ARHGAP27: variants seen among roughly 807,000 people sequenced by gnomAD.
ARHGAP27 encodes the protein rho GTPase-activating protein 27.
Under a neutral mutation model 102.0 loss-of-function variants are expected in ARHGAP27, and 53 were observed. The observed-to-expected ratio is 0.52, with a 90% CI of 0.42 to 0.65. ARHGAP27 has a LOEUF of 0.65. ARHGAP27 is among the 30% of genes least tolerant of loss of function. The probability of loss-of-function intolerance (pLI) is 0.00; values close to 1 mark genes in which losing one functional copy is unlikely to be tolerated. For synonymous variants in ARHGAP27, 525 were observed against 542.8 expected, an observed-to-expected ratio of 0.97 and a Z score of 0.46; for missense variants, 1,117 against 1,256.2, an observed-to-expected ratio of 0.89 and a Z score of 1.68.
chr17:45,429,638 C>T lies in ARHGAP27; in HGVS notation c.642G>A (p.Glu214=). 1 of 1,583,674 alleles carries T rather than the reference C, an allele frequency of 6.3e-7. No homozygotes were observed. Among genetic ancestry groups the T allele is most frequent in the Non-Finnish European group, 8.6e-7 (1 of 1,164,852 alleles). The part of the protein sequence containing the change: ...VIQDLHVPPP[E]ESAEQVDDPP... ...GGGGAGGTACCTGCTCTGCGCTCTC[C>T]TCCGGCGGCGGGACGTGCAAGTCCT... is the stretch of plus-strand genomic sequence containing the variant. The change falls in exon 4 of 20, where the codon GAG becomes GAA. Residue 214 remains glutamate (E), a synonymous_variant. Transcript: ENST00000685559.
In ARHGAP27 at chr17:45,394,914, G is replaced by GTC. The variant is rs2045410858; in HGVS notation, c.*540_*541dup. ...AGCCTGTGAGAGGCTCAGGCAGGAG[G>GTC]TCATCCCTGAGGCCTGAGGAGGATA... On this transcript the variant is annotated 3_prime_UTR_variant, in exon 20 of 20. Transcript: ENST00000685559. The GTC allele has an allele frequency of 1.3e-5, 2 of 153,220 alleles. No individual in the cohort carries two copies. The highest frequency in any genetic ancestry group is 4.8e-5 in the African/African-American group (2 of 41,476). 9.5% of individuals were successfully genotyped at this position (153,220 alleles called of 1,614,324 possible). A position where few individuals can be genotyped will look rare whatever the true frequency, so the allele number is the denominator to read the frequency against.
At chr17:45,409,928 G>A in intron 4 of ARHGAP27, 1 of 404,634 alleles carries the variant, frequency 2.5e-6, no homozygotes. Context: ...CCTCAGGCCA[G>A]AGGAGGAGCC....
intron 4 of ARHGAP27, chr17:45,410,334 G>C: frequency 2.7e-6 from 4 of 1,464,658 alleles, no homozygotes; most frequent in Non-Finnish European, 2.7e-6. Flanking sequence ...GAAGGTTTTG[G>C]GGGTAGAGCC....
At position 45,395,410 on chromosome 17, in the gene ARHGAP27, C is replaced by T. The variant is rs1007448435; in HGVS notation, c.*46G>A. On this transcript the variant is annotated 3_prime_UTR_variant, in exon 20 of 20. Coordinates refer to ENST00000685559, the MANE Select transcript of ARHGAP27 (RefSeq NM_001282290.2). ...CGGCTGCGTGGCCTCCGCCGCCCAGCTTGTGTGGCAGGACCGCGGCCGCCG... is the reference window on the plus strand; with the variant it reads ...CGGCTGCGTGGCCTCCGCCGCCCAGTTTGTGTGGCAGGACCGCGGCCGCCG... 3 of 1,524,526 alleles carry T rather than the reference C, an allele frequency of 2.0e-6. No homozygotes were observed. Among genetic ancestry groups the T allele is most frequent in the African/African-American group, 2.8e-5 (2 of 72,532 alleles). The allele number at this position is 1,524,526 out of a possible 1,614,324, so 94.4% of individuals were successfully genotyped here. A position where few individuals can be genotyped will look rare whatever the true frequency, so the allele number is the denominator to read the frequency against.
chr17:45,397,072 G>T, intron 13 of ARHGAP27, 48 bp from the exon 14 acceptor site: 1 of 1,595,646 alleles, frequency 6.3e-7, no homozygotes, highest in Non-Finnish European at 8.5e-7. Context: ...CCAGCTGCGG[G>T]TCCTTCCAGG....
chr17:45,415,124 A>G (rs982710804), intron 4 of ARHGAP27, among the ~76,000 whole-genome samples: 10 of 151,536 alleles, frequency 6.6e-5, no homozygotes, highest in African/African-American at 2.4e-4. Context: ...CCTTTTAACA[A>G]CTAATTCCTT....
intron 4 of ARHGAP27, among the ~76,000 whole-genome samples, chr17:45,417,678 T>C (rs1371357643): frequency 6.6e-6 from 1 of 150,894 alleles, no homozygotes; most frequent in Non-Finnish European, 1.5e-5. Flanking sequence ...CGCTTGAACC[T>C]GGAAGGTAGA....
intron 4 of ARHGAP27, chr17:45,408,863 C>T (rs1381880811): frequency 6.6e-6 from 1 of 152,266 alleles, no homozygotes; most frequent in Non-Finnish European, 1.5e-5. Flanking sequence ...AACCATCTGC[C>T]CACCTCCTCT....
chr17:45,395,234 G>T lies in ARHGAP27; in HGVS notation c.*222C>A. 1.7e-6 allele frequency: 1 copy of T among 600,688 alleles called. No individual in the cohort carries two copies. The highest frequency in any genetic ancestry group is 2.9e-6 in the Non-Finnish European group (1 of 347,188). The allele number at this position is 600,688 out of a possible 1,614,324, so 37.2% of individuals were successfully genotyped here. On this transcript the variant is annotated 3_prime_UTR_variant, in exon 20 of 20. Transcript: ENST00000685559. ...AATTAACCCCCAAACAGGACGTGAC[G>T]GGAAGGGAAGGGGGGATGGGGAGTT... is the stretch of plus-strand genomic sequence containing the variant.
In ARHGAP27 at chr17:45,430,032, G is replaced by T; in HGVS notation, c.248C>A (p.Pro83Gln). The change falls in exon 4 of 20, where the codon CCG becomes CAG. Residue 83 changes from proline (P) to glutamine (Q), a missense_variant. Transcript: ENST00000685559. The surrounding 1 kb of genome is among the most constrained non-coding windows in gnomAD (Gnocchi z 4.4). ...PAAAAPPGPH[P>Q]SPAAPEPLAY... Reference sequence around the variant, plus strand: ...GAGCGGCTCAGGGGCCGCGGGGCTCGGGTGGGGACCTGGCGGCGCGGCGGC... The same window carrying T: ...GAGCGGCTCAGGGGCCGCGGGGCTCTGGTGGGGACCTGGCGGCGCGGCGGC... The T allele has an allele frequency of 8.1e-7, 1 of 1,232,610 alleles. No individual in the cohort carries two copies. The highest frequency in any genetic ancestry group is 1.6e-5 in the African/African-American group (1 of 61,912). 76.4% of individuals were successfully genotyped at this position (1,232,610 alleles called of 1,614,324 possible).
At chr17:45,397,912 C>A in intron 13 of ARHGAP27, 37 bp downstream of exon 13, 1 of 1,554,772 alleles carries the variant, frequency 6.4e-7, no homozygotes, top group African/African-American at 1.3e-5. Context: ...TGGCCACCCC[C>A]TCCCCACTGC....
At chr17:45,419,271 C>T (rs944131120) in intron 4 of ARHGAP27, among the ~76,000 whole-genome samples, 1 of 152,144 alleles carries the variant, frequency 6.6e-6, no homozygotes, top group African/African-American at 2.4e-5. Context: ...ACATCTCACT[C>T]TGTCCATGCA....
chr17:45,395,882 G>A (rs769666405), intron 18 of ARHGAP27, 33 bp from the exon 19 acceptor site: 19 of 1,583,576 alleles, frequency 1.2e-5, no homozygotes, highest in South Asian at 9.1e-5. Flanking sequence ...GGAGGGAGTC[G>A]GAACGGGAGG....
In ARHGAP27 at chr17:45,430,084, C is replaced by G; in HGVS notation, c.196G>C (p.Glu66Gln). 2 of 1,430,536 alleles carry G rather than the reference C, an allele frequency of 1.4e-6. No homozygotes were observed. The highest frequency in any genetic ancestry group is 3.3e-5 in the Admixed American group (1 of 30,370). 88.6% of individuals were successfully genotyped at this position (1,430,536 alleles called of 1,614,324 possible). Residue 66 changes from glutamate to glutamine, a missense_variant, in exon 4 of 20, where the codon GAG (glutamate) becomes CAG (glutamine). Glu to Gln is a conservative substitution (Grantham distance 29). Around this residue, in one of 3 missense-constraint regions of ARHGAP27, gnomAD observed 610 missense variants for 716.4 expected, o/e 0.85. Transcript: ENST00000685559. This position sits in a 1 kb window ranked among gnomAD's most constrained non-coding sequence, Gnocchi z 4.4. Reference sequence around the variant, plus strand: ...GCAGGGTTGCCCAGCGCGGGCAGCTCGCGCACGTACTGCGCAGGCAGGTAG... The same window carrying G: ...GCAGGGTTGCCCAGCGCGGGCAGCTGGCGCACGTACTGCGCAGGCAGGTAG... ...PFYLPAQYVR[E>Q]LPALGNPAAA... is the part of the protein sequence containing the mutation.
chr17:45,412,692 G>A (rs948200049), intron 4 of ARHGAP27, among the ~76,000 whole-genome samples: 2 of 152,170 alleles, frequency 1.3e-5, no homozygotes, highest in African/African-American at 4.8e-5. Context: ...CCAAACACAT[G>A]TTCTCCAGGA....
chr17:45,410,444 C>T (rs1465103604), intron 4 of ARHGAP27: 4 of 1,136,462 alleles, frequency 3.5e-6, no homozygotes, highest in Admixed American at 9.0e-5. Context: ...GTCAGGGCTG[C>T]GGAAGTGCTG....
chr17:45,405,634 G>A, intron 5 of ARHGAP27, 42 bp downstream of exon 5: 1 of 1,535,394 alleles, frequency 6.5e-7, no homozygotes, highest in Non-Finnish European at 8.7e-7. Flanking sequence ...GGGATCAGAG[G>A]CGCTCAGAGG....
At chr17:45,399,040 C>G (rs2046099915) in intron 12 of ARHGAP27, among the ~76,000 whole-genome samples, 1 of 152,192 alleles carries the variant, frequency 6.6e-6, no homozygotes, top group African/African-American at 2.4e-5. Context: ...CACCATAGGA[C>G]TGACGCTCAA....
At position 45,402,724 on chromosome 17, in the gene ARHGAP27, T is replaced by A; in HGVS notation, c.1733A>T (p.Asn578Ile). The part of the protein sequence containing the change: ...WAPKDKSSRK[N>I]VLELRSRDGS... ...AACCCCGCCACTCACCTCCAGCACA[T>A]TCTTCCTACTGGATTTGTCTTTGGG... Residue 578 changes from asparagine to isoleucine, a missense_variant, in exon 12 of 20, where the codon AAT becomes ATT. Asn to Ile is a moderately radical substitution (Grantham distance 149). This residue lies in a region of ARHGAP27 where 493 missense variants were observed against 505.5 expected (regional missense o/e 0.98). Transcript: ENST00000685559. 6.2e-7 allele frequency: 1 copy of A among 1,611,288 alleles called. No individual in the cohort carries two copies. The highest frequency in any genetic ancestry group is 8.5e-7 in the Non-Finnish European group (1 of 1,177,556).
Sources: gnomAD v4.1 joint callset for allele counts (sites outside exome capture counted in the v4.1 genomes callset) on GRCh38, gnomAD v4.1.1 for gene constraint, gnomAD v4.1.1 regional missense constraint, Gnocchi (gnomAD v3.1) non-coding constraint, MANE v1.5 for transcripts, NCBI Gene and HGNC (gene_info 2026-07-23, HGNC 2026-07-21) for gene names.